Variants in EYA1 observed in about 807,000 individuals in gnomAD.
The protein encoded by EYA1 is EYA transcriptional coactivator and phosphatase 1.
Under a neutral mutation model 82.0 loss-of-function variants are expected in EYA1, and 16 were observed. The ratio of observed to expected loss-of-function variants is 0.20; its 90% CI spans 0.13 to 0.30. EYA1 has a LOEUF of 0.30. Ranked by LOEUF, EYA1 falls within the 10% of genes least tolerant of loss-of-function variation. EYA1 has a pLI of 1.00. For synonymous variants in EYA1, 261 were observed against 264.4 expected (o/e 0.99, Z 0.12); for missense variants, 633 against 730.7 (o/e 0.87, Z 1.54).
chr8:71,467,353 A>T (rs1808856765), intron 2 of EYA1, among the ~76,000 whole-genome samples: 1 of 152,138 alleles, frequency 6.6e-6, no homozygotes, highest in Non-Finnish European at 1.5e-5. Context: ...CAACTAGGGC[A>T]TTGTTGCAGA....
intron 7 of EYA1, among the ~76,000 whole-genome samples, chr8:71,311,930 G>A (rs1207428648): frequency 6.6e-6 from 1 of 152,150 alleles, no homozygotes; most frequent in Admixed American, 6.5e-5. Flanking sequence ...AGCCTGCTTG[G>A]CAGGACAGAA....
At chr8:71,476,405 G>A (rs1809667478) in intron 2 of EYA1, among the ~76,000 whole-genome samples, 1 of 151,980 alleles carries the variant, frequency 6.6e-6, no homozygotes, top group African/African-American at 2.4e-5. Context: ...AAAAGTGCTT[G>A]AACAATACAC....
chr8:71,454,069 A>G (rs1013245573), intron 2 of EYA1, among the ~76,000 whole-genome samples: 4 of 152,162 alleles, frequency 2.6e-5, no homozygotes, highest in African/African-American at 4.8e-5. Flanking sequence ...TAAAGGGATG[A>G]AGGAAGATCT....
At chr8:71,287,091 C>T (rs13282007) in intron 9 of EYA1, among the ~76,000 whole-genome samples, 35,894 of 151,786 alleles carry the variant, frequency 0.24, 4,638 homozygotes, top group Admixed American at 0.29. Flanking sequence ...TGAGACACCC[C>T]GCTTGGCCTA....
At chr8:71,389,247 A>G (rs77198020) in intron 2 of EYA1, among the ~76,000 whole-genome samples, 3,723 of 152,220 alleles carry the variant, frequency 0.024, 146 homozygotes, top group African/African-American at 0.082. Flanking sequence ...TTTAGTATAC[A>G]GGGTTATTTG....
chr8:71,462,592 C>T (rs988169666), intron 2 of EYA1, among the ~76,000 whole-genome samples: 1 of 152,204 alleles, frequency 6.6e-6, no homozygotes, highest in Admixed American at 6.5e-5. Flanking sequence ...CCCAGGGTGG[C>T]AGGCTCCGGG....
At chr8:71,304,919 G>C (rs1173596632) in intron 7 of EYA1, among the ~76,000 whole-genome samples, 1 of 142,876 alleles carries the variant, frequency 7.0e-6, no homozygotes, top group Non-Finnish European at 1.6e-5. Flanking sequence ...ATGCTCCCCA[G>C]AAAGCTTCAG....
At position 71,198,111 on chromosome 8, in the gene EYA1, C is replaced by T. The variant is rs769460553; in HGVS notation, c.*1229G>A. 5 of 152,300 alleles carry T rather than the reference C, an allele frequency of 3.3e-5. No individual in the cohort carries two copies. Among genetic ancestry groups the T allele is most frequent in the East Asian group, 1.9e-4 (1 of 5,196 alleles). 9.4% of individuals were successfully genotyped at this position (152,300 alleles called of 1,614,324 possible). Reference sequence around the variant, plus strand: ...CCTTTATCGAAAGAAAATGCAGACACGATAATTAATAATTCTGAGCACATG... The same window carrying T: ...CCTTTATCGAAAGAAAATGCAGACATGATAATTAATAATTCTGAGCACATG... On this transcript the variant is annotated 3_prime_UTR_variant, in exon 18 of 18. Coordinates refer to ENST00000340726, the MANE Select transcript of EYA1 (RefSeq NM_000503.6).
intron 7 of EYA1, among the ~76,000 whole-genome samples, chr8:71,302,437 G>A (rs1820300809): frequency 6.6e-6 from 1 of 152,038 alleles, no homozygotes; most frequent in Non-Finnish European, 1.5e-5. Context: ...TGACTTTCCA[G>A]ACTAAATGCT....
intron 7 of EYA1, among the ~76,000 whole-genome samples, chr8:71,308,420 A>G (rs1325059135): frequency 6.6e-6 from 1 of 152,150 alleles, no homozygotes; most frequent in Non-Finnish European, 1.5e-5. Flanking sequence ...CTTCTTATCA[A>G]TGTTGGCTTC....
chr8:71,535,789 C>T lies in EYA1; in HGVS notation c.-13G>A, dbSNP rs768296882. The T allele has an allele frequency of 1.9e-5, 28 of 1,509,802 alleles. 1 individual carries two copies. In the South Asian group the frequency reaches 3.1e-4, roughly 17 times the overall value. The allele number at this position is 1,509,802 out of a possible 1,614,324, so 93.5% of individuals were successfully genotyped here. A position where few individuals can be genotyped will look rare whatever the true frequency, so the allele number is the denominator to read the frequency against. On this transcript the variant is annotated 5_prime_UTR_variant, in exon 2 of 19. Coordinates refer to the EYA1 transcript ENST00000643681. ...GGGGGTCTTCCATTGAAGACTTCTT[C>T]TGAATTATGTATGGGCTATTAGCTA... is the stretch of plus-strand genomic sequence containing the variant.
intron 12 of EYA1, among the ~76,000 whole-genome samples, chr8:71,222,944 G>A (rs895859292): frequency 4.6e-5 from 7 of 152,138 alleles, no homozygotes; most frequent in Admixed American, 1.3e-4. Flanking sequence ...CTCTGTGTCC[G>A]TGGTCATGGA....
At chr8:71,490,569 G>A (rs1391104446) in intron 2 of EYA1, among the ~76,000 whole-genome samples, 1 of 152,002 alleles carries the variant, frequency 6.6e-6, no homozygotes, top group Non-Finnish European at 1.5e-5. Flanking sequence ...GAGAAAAGAT[G>A]GATGTTATTT....
chr8:71,306,842 T>C (rs12679927), intron 7 of EYA1, among the ~76,000 whole-genome samples: 105,455 of 152,078 alleles, frequency 0.69, 36,869 homozygotes, highest in East Asian at 0.89. Flanking sequence ...TAAGCAAGTC[T>C]CCCTTAGTCT....
At chr8:71,507,233 T>G (rs1267449681) in intron 2 of EYA1, among the ~76,000 whole-genome samples, 1 of 152,180 alleles carries the variant, frequency 6.6e-6, no homozygotes, top group Non-Finnish European at 1.5e-5. Context: ...AGTTAAGACA[T>G]TTGCCCAAGG....
At chr8:71,513,842 C>T (rs974844888) in intron 2 of EYA1, among the ~76,000 whole-genome samples, 19 of 152,122 alleles carry the variant, frequency 1.2e-4, no homozygotes, top group East Asian at 5.8e-4. Context: ...TGAGAACATG[C>T]GATGCTTTTC....
At chr8:71,446,508 T>C (rs1315567803) in intron 2 of EYA1, among the ~76,000 whole-genome samples, 1 of 152,172 alleles carries the variant, frequency 6.6e-6, no homozygotes, top group Non-Finnish European at 1.5e-5. Flanking sequence ...AGTATCTTCA[T>C]AGCAGTGCGA....
chr8:71,482,314 G>C (rs764964360), intron 2 of EYA1, among the ~76,000 whole-genome samples: 1 of 152,118 alleles, frequency 6.6e-6, no homozygotes, highest in Non-Finnish European at 1.5e-5. Flanking sequence ...ATTATTCACC[G>C]GGAAAATGCA....
At chr8:71,412,102 C>T (rs1586665788) in intron 2 of EYA1, among the ~76,000 whole-genome samples, 1 of 145,934 alleles carries the variant, frequency 6.9e-6, no homozygotes, top group East Asian at 2.0e-4. Flanking sequence ...AATTGGAAAC[C>T]ATCATTCTCA....
Sources: gnomAD v4.1 joint callset for allele counts (sites outside exome capture counted in the v4.1 genomes callset) on GRCh38, gnomAD v4.1.1 for gene constraint, MANE v1.5 for transcripts, NCBI Gene and HGNC (gene_info 2026-07-23, HGNC 2026-07-21) for gene names.